The following JARID2 variants were observed in gnomAD, a reference collection of about 807,000 sequenced individuals.
The protein encoded by JARID2 is jumonji and AT-rich interaction domain containing 2, also known as protein Jumonji.
A neutral mutation model predicts 125.6 loss-of-function variants in JARID2; 21 were observed. That is an observed-to-expected ratio of 0.17 (90% CI 0.12 to 0.24). JARID2 has a LOEUF of 0.24. Ranked by LOEUF, JARID2 falls within the 10% of genes least tolerant of loss-of-function variation. JARID2 has a pLI of 1.00. For synonymous variants in JARID2, 736 were observed against 661.6 expected (o/e 1.11, Z -1.73); for missense variants, 1,303 against 1,639.6 (o/e 0.79, Z 3.55).
At chr6:15,485,151 A>G (rs929482737) in intron 5 of JARID2, among the ~76,000 whole-genome samples, 3 of 152,212 alleles carry the variant, frequency 2.0e-5, no homozygotes, top group Non-Finnish European at 4.4e-5. Context: ...ATCTTGTGCA[A>G]CGTCGGATTG....
At chr6:15,402,573 G>T (rs1170276206) in intron 2 of JARID2, among the ~76,000 whole-genome samples, 1 of 152,040 alleles carries the variant, frequency 6.6e-6, no homozygotes, top group Non-Finnish European at 1.5e-5. Context: ...AAAAAAAAAT[G>T]CCCTTGTGTT....
rs758673747 is a variant in JARID2 at position 15,496,602 on chromosome 6, G to T, written c.1377G>T (p.Lys459Asn). ...QAEKPQSPPK[K>N]MKGAAGPAEG... is the part of the protein sequence containing the mutation. ...AGAAGCCGCAGTCGCCCCCCAAGAA[G>T]ATGAAAGGGGCGGCTGGCCCCGCCG... Residue 459 changes from lysine (K) to asparagine (N), a missense_variant, in exon 7 of 18, where the codon AAG becomes AAT. This residue lies in a region of JARID2 where 651 missense variants were observed against 581.6 expected (regional missense o/e 1.12). Coordinates refer to ENST00000341776, the MANE Select transcript of JARID2 (RefSeq NM_004973.4). 19 of 1,604,046 alleles carry T rather than the reference G, an allele frequency of 1.2e-5. No homozygotes were observed. Among genetic ancestry groups the T allele is most frequent in the Non-Finnish European group, 1.5e-5 (18 of 1,176,714 alleles).
intron 1 of JARID2, among the ~76,000 whole-genome samples, chr6:15,291,113 G>T (rs544235432): frequency 2.6e-5 from 4 of 152,248 alleles, no homozygotes; most frequent in Admixed American, 2.6e-4. Flanking sequence ...GTGCATGCTT[G>T]TAGTCTCAGT....
chr6:15,322,008 G>C (rs1762376081), intron 1 of JARID2, among the ~76,000 whole-genome samples: 1 of 151,930 alleles, frequency 6.6e-6, no homozygotes, highest in Admixed American at 6.6e-5. Context: ...GGCCAGGCTG[G>C]CCTCAAACTC....
rs1013936718 is a variant in JARID2, at chr6:15,497,211, C to T, written c.1945+41C>T. 133 of 1,428,596 alleles carry T rather than the reference C, an allele frequency of 9.3e-5. No individual in the cohort carries two copies. In the African/African-American group the frequency reaches 1.6e-3, roughly 17 times the overall value. The allele number at this position is 1,428,596 out of a possible 1,614,324, so 88.5% of individuals were successfully genotyped here. On this transcript the variant is annotated intron_variant, in intron 7 of 17. Coordinates refer to ENST00000341776, the MANE Select transcript of JARID2 (RefSeq NM_004973.4). ...GGGTCAGGGGGTGGTGCCTGCCCTCCTGCCCCCAGATCCCTGCAGTTCCCT... is the reference window on the plus strand; with the variant it reads ...GGGTCAGGGGGTGGTGCCTGCCCTCTTGCCCCCAGATCCCTGCAGTTCCCT...
At chr6:15,505,032 A>T in intron 9 of JARID2, 1 of 159,492 alleles carries the variant, frequency 6.3e-6, no homozygotes, top group Non-Finnish European at 1.4e-5. Flanking sequence ...GCTTCTGCCA[A>T]CTCTCTTCTT....
intron 1 of JARID2, among the ~76,000 whole-genome samples, chr6:15,306,816 G>T (rs1464900902): frequency 1.3e-5 from 2 of 150,640 alleles, no homozygotes; most frequent in African/African-American, 4.9e-5. Flanking sequence ...ATGGAAGGTG[G>T]GGAAATAGGC....
intron 1 of JARID2, among the ~76,000 whole-genome samples, chr6:15,277,253 G>T (rs529402292): frequency 6.6e-6 from 1 of 152,256 alleles, no homozygotes; most frequent in East Asian, 1.9e-4. Flanking sequence ...TGCAGGGGCT[G>T]GAGTTACAGC....
At chr6:15,281,667 C>T (rs1222487975) in intron 1 of JARID2, among the ~76,000 whole-genome samples, 1 of 152,178 alleles carries the variant, frequency 6.6e-6, no homozygotes, top group Non-Finnish European at 1.5e-5. Context: ...GTAACAATAT[C>T]TCAAAGATCT....
chr6:15,350,945 G>T (rs1175107663), intron 1 of JARID2, among the ~76,000 whole-genome samples: 1 of 151,630 alleles, frequency 6.6e-6, no homozygotes, highest in East Asian at 1.9e-4. Flanking sequence ...TTATTCCAGG[G>T]TAGCTGGAGG....
At chr6:15,273,825 AAATGACACCT>A (rs1361887853) in intron 1 of JARID2, among the ~76,000 whole-genome samples, 2 of 152,158 alleles carry the variant, frequency 1.3e-5, no homozygotes, top group African/African-American at 4.8e-5. Flanking sequence ...AGATGGAATG[AAATGACACCT>A]AAAGATTGGT....
intron 6 of JARID2, among the ~76,000 whole-genome samples, chr6:15,494,268 A>T (rs754928074): frequency 1.3e-5 from 2 of 152,062 alleles, no homozygotes; most frequent in Admixed American, 1.3e-4. Context: ...ACACAGCATC[A>T]CCTGGGACTT....
chr6:15,314,632 G>A (rs926258059), intron 1 of JARID2, among the ~76,000 whole-genome samples: 6 of 152,148 alleles, frequency 3.9e-5, no homozygotes, highest in Admixed American at 2.6e-4. Context: ...CAGAACCCTG[G>A]AGATACAGTT....
intron 1 of JARID2, among the ~76,000 whole-genome samples, chr6:15,302,229 A>G (rs1229994496): frequency 6.6e-6 from 1 of 152,188 alleles, no homozygotes; most frequent in Non-Finnish European, 1.5e-5. Context: ...CAGCCTGGCC[A>G]ACGTGCTGAA....
intron 1 of JARID2, among the ~76,000 whole-genome samples, chr6:15,281,238 A>T (rs1003036488): frequency 5.9e-5 from 9 of 152,176 alleles, no homozygotes; most frequent in African/African-American, 2.2e-4. Context: ...TCTAATAAGG[A>T]ACTGGTTTGG....
In JARID2 at chr6:15,379,280, C is replaced by G. The variant is rs1452829416; in HGVS notation, c.181+5028C>G. Among the ~76,000 whole-genome samples, 4 of 151,964 alleles carry G rather than the reference C, an allele frequency of 2.6e-5. 1 individual carries two copies. The highest frequency in any genetic ancestry group is 9.7e-5 in the African/African-American group (4 of 41,338). On this transcript the variant is annotated intron_variant, in intron 2 of 17. Transcript: ENST00000341776. ...TTACAGCTTGTTGGTTATTGCTGGG[C>G]TTAAGCGTGAAGTGGTAAGATTTGC...
chr6:15,328,145 T>C (rs185121904), intron 1 of JARID2, among the ~76,000 whole-genome samples: 1 of 152,162 alleles, frequency 6.6e-6, no homozygotes, highest in African/African-American at 2.4e-5. Flanking sequence ...ATTTTAAGGG[T>C]CAGTGGCTTG....
At chr6:15,457,190 A>C (rs1006960891) in intron 4 of JARID2, among the ~76,000 whole-genome samples, 8 of 152,192 alleles carry the variant, frequency 5.3e-5, no homozygotes, top group Non-Finnish European at 1.0e-4. Flanking sequence ...CATTTGGTGA[A>C]TGTCTCATAA....
At chr6:15,498,409 C>G (rs1357330212) in intron 7 of JARID2, among the ~76,000 whole-genome samples, 2 of 152,166 alleles carry the variant, frequency 1.3e-5, no homozygotes, top group African/African-American at 2.4e-5. Context: ...CCCTGTAGCC[C>G]TCCTTCCCTG....
Sources: gnomAD v4.1 joint callset for allele counts (sites outside exome capture counted in the v4.1 genomes callset) on GRCh38, gnomAD v4.1.1 for gene constraint, gnomAD v4.1.1 regional missense constraint, MANE v1.5 for transcripts, NCBI Gene and HGNC (gene_info 2026-07-23, HGNC 2026-07-21) for gene names.